CSMD1: variants seen among roughly 807,000 people sequenced by gnomAD.
CSMD1 encodes CUB and Sushi multiple domains 1.
Under a neutral mutation model 417.5 loss-of-function variants are expected in CSMD1, and 213 were observed. That is an observed-to-expected ratio of 0.51 (90% CI 0.46 to 0.57). CSMD1 has a LOEUF of 0.57. CSMD1 is among the 20% of genes least tolerant of loss of function. CSMD1 has a pLI of 0.00. For synonymous variants in CSMD1, 2,862 were observed against 1,736.8 expected (o/e 1.65, Z -16.11); for missense variants, 6,923 against 4,529.7 (o/e 1.53, Z -15.17).
chr8:3,420,831 G>T (rs1455988804), intron 12 of CSMD1, among the ~76,000 whole-genome samples: 1 of 152,036 alleles, frequency 6.6e-6, no homozygotes, highest in African/African-American at 2.4e-5. Flanking sequence ...CATAAAGATG[G>T]TACTTGTTCA....
At chr8:4,036,482 T>G (rs946830688) in intron 3 of CSMD1, among the ~76,000 whole-genome samples, 3 of 152,218 alleles carry the variant, frequency 2.0e-5, no homozygotes, top group African/African-American at 7.2e-5. Context: ...AAGAAATATT[T>G]GTAAACACCC....
chr8:4,380,147 C>G (rs1803008199), intron 3 of CSMD1, among the ~76,000 whole-genome samples: 1 of 152,162 alleles, frequency 6.6e-6, no homozygotes, highest in African/African-American at 2.4e-5. Context: ...TTCTACATAT[C>G]TGCCCTCAGA....
intron 7 of CSMD1, among the ~76,000 whole-genome samples, chr8:3,685,872 A>G (rs1799919339): frequency 6.6e-6 from 1 of 152,150 alleles, no homozygotes; most frequent in South Asian, 2.1e-4. Flanking sequence ...TGGGGTATCC[A>G]TCCCATCAAA....
chr8:3,165,302 T>G (rs182401810), intron 37 of CSMD1, among the ~76,000 whole-genome samples: 1 of 152,298 alleles, frequency 6.6e-6, no homozygotes, highest in East Asian at 1.9e-4. Context: ...GCGATTGATA[T>G]GATCAGAGCC....
intron 3 of CSMD1, among the ~76,000 whole-genome samples, chr8:4,071,143 G>C (rs750703730): frequency 1.3e-5 from 2 of 151,610 alleles, no homozygotes; most frequent in African/African-American, 4.8e-5. Context: ...TCCAAATTTG[G>C]AGAATGTCAT....
chr8:4,431,547 T>C (rs1016722416), intron 2 of CSMD1, among the ~76,000 whole-genome samples: 1 of 152,130 alleles, frequency 6.6e-6, no homozygotes, highest in Non-Finnish European at 1.5e-5. Flanking sequence ...CCTGATAATC[T>C]ACACCAGCCC....
intron 5 of CSMD1, among the ~76,000 whole-genome samples, chr8:3,959,523 C>T (rs1366790371): frequency 6.6e-6 from 1 of 152,084 alleles, no homozygotes; most frequent in Non-Finnish European, 1.5e-5. Flanking sequence ...AAGAACAAAC[C>T]AACGAACGAA....
intron 6 of CSMD1, among the ~76,000 whole-genome samples, chr8:3,736,514 G>C (rs1239533363): frequency 6.6e-6 from 1 of 152,138 alleles, no homozygotes; most frequent in Admixed American, 6.5e-5. Context: ...CAAATTGCTG[G>C]GATCACTGGT....
chr8:3,881,498 G>T (rs573866802), intron 5 of CSMD1, among the ~76,000 whole-genome samples: 7 of 150,646 alleles, frequency 4.6e-5, no homozygotes, highest in Non-Finnish European at 1.0e-4. Flanking sequence ...TTAGCTGGGC[G>T]TAGTGGTGGG....
intron 1 of CSMD1, among the ~76,000 whole-genome samples, chr8:4,802,352 C>CGT (rs34030430): frequency 0.14 from 20,311 of 146,290 alleles, 1,886 homozygotes; most frequent in African/African-American, 0.28. Flanking sequence ...TGTGTGCGCG[C>CGT]GTGTGTGTGT....
At chr8:4,258,038 G>A (rs1007286468) in intron 3 of CSMD1, among the ~76,000 whole-genome samples, 6 of 151,884 alleles carry the variant, frequency 4.0e-5, no homozygotes, top group African/African-American at 7.3e-5. Context: ...AGCTGTGGAA[G>A]GGGGAAGCAA....
At chr8:3,456,511 C>G (rs564911627) in intron 12 of CSMD1, among the ~76,000 whole-genome samples, 25 of 152,266 alleles carry the variant, frequency 1.6e-4, no homozygotes, top group East Asian at 1.4e-3. Flanking sequence ...AATGATGTCA[C>G]CATGTGCTTT....
chr8:4,902,753 G>A (rs1804969747), intron 1 of CSMD1, among the ~76,000 whole-genome samples: 1 of 151,848 alleles, frequency 6.6e-6, no homozygotes, highest in Non-Finnish European at 1.5e-5. Context: ...GTCTCCCTCT[G>A]GCCTCTGTAG....
At chr8:4,328,331 G>A (rs1276142850) in intron 3 of CSMD1, among the ~76,000 whole-genome samples, 2 of 150,638 alleles carry the variant, frequency 1.3e-5, no homozygotes, top group Non-Finnish European at 2.9e-5. Flanking sequence ...CAACTGTGCG[G>A]TCTGAGACTT....
At chr8:4,809,762 G>C (rs377219788) in intron 1 of CSMD1, among the ~76,000 whole-genome samples, 1 of 152,122 alleles carries the variant, frequency 6.6e-6, no homozygotes, top group African/African-American at 2.4e-5. Context: ...GATAATTCAT[G>C]TTTTTTTACA....
chr8:3,443,046 G>A (rs1181710829), intron 12 of CSMD1, among the ~76,000 whole-genome samples: 1 of 152,134 alleles, frequency 6.6e-6, no homozygotes, highest in African/African-American at 2.4e-5. Flanking sequence ...CAATGAATAT[G>A]AGTTTGTATA....
At chr8:3,775,010 C>G (rs13264501) in intron 5 of CSMD1, among the ~76,000 whole-genome samples, 50,525 of 151,910 alleles carry the variant, frequency 0.33, 9,981 homozygotes, top group Non-Finnish European at 0.45. Flanking sequence ...CCGGCAGGAC[C>G]AAGCAGGATA....
chr8:4,291,236 T>A (rs928720146), intron 3 of CSMD1, among the ~76,000 whole-genome samples: 1 of 152,024 alleles, frequency 6.6e-6, no homozygotes, highest in African/African-American at 2.4e-5. Flanking sequence ...GCTTATGATA[T>A]GTGCAAATAT....
chr8:3,971,472 A>C (rs1451026895), intron 5 of CSMD1, among the ~76,000 whole-genome samples: 2 of 152,240 alleles, frequency 1.3e-5, no homozygotes, highest in African/African-American at 4.8e-5. Context: ...TTGCAAGTTG[A>C]CAACTTTAAA....
Sources: gnomAD v4.1 joint callset for allele counts (sites outside exome capture counted in the v4.1 genomes callset) on GRCh38, gnomAD v4.1.1 for gene constraint, MANE v1.5 for transcripts, NCBI Gene and HGNC (gene_info 2026-07-23, HGNC 2026-07-21) for gene names.